EYA2: variants seen among roughly 807,000 people sequenced by gnomAD.
EYA2 encodes the protein protein phosphatase EYA2.
A neutral mutation model predicts 69.2 loss-of-function variants in EYA2; 31 were observed. The ratio of observed to expected loss-of-function variants is 0.45; its 90% CI spans 0.34 to 0.60. The LOEUF (loss-of-function observed/expected upper bound fraction) is 0.60. EYA2 is among the 20% of genes least tolerant of loss of function. EYA2 has a pLI of 0.02. For missense variants in EYA2, 622 were observed against 701.2 expected (o/e 0.89, Z 1.28); for synonymous variants, 257 against 279.4 (o/e 0.92, Z 0.80).
At chr20:47,118,723 T>A (rs563021214) in intron 9 of EYA2, among the ~76,000 whole-genome samples, 2 of 152,164 alleles carry the variant, frequency 1.3e-5, no homozygotes, top group Non-Finnish European at 2.9e-5. Flanking sequence ...CTCGGCCGCT[T>A]TGAGAGAGAC....
chr20:47,023,643 T>TTTTG (rs1555813801), intron 5 of EYA2, among the ~76,000 whole-genome samples: 41 of 140,656 alleles, frequency 2.9e-4, no homozygotes, highest in East Asian at 2.6e-3. Context: ...TTTTTTTTTT[T>TTTTG]TTTTTTTTTT....
chr20:46,939,557 A>G (rs886598593), intron 1 of EYA2, among the ~76,000 whole-genome samples: 3 of 152,188 alleles, frequency 2.0e-5, no homozygotes, highest in Non-Finnish European at 1.5e-5. Flanking sequence ...AATTTGAGCT[A>G]AAGTTCTTGT....
At chr20:47,012,215 T>C (rs1210927798) in intron 4 of EYA2, among the ~76,000 whole-genome samples, 2 of 152,202 alleles carry the variant, frequency 1.3e-5, no homozygotes, top group Admixed American at 1.3e-4. Context: ...TGGAAGCCAG[T>C]GGAACTTGCA....
intron 1 of EYA2, among the ~76,000 whole-genome samples, chr20:46,950,939 A>G (rs1051412451): frequency 5.9e-5 from 9 of 152,220 alleles, no homozygotes; most frequent in African/African-American, 1.7e-4. Context: ...TGAGCATCTA[A>G]GGCTACACCC....
chr20:47,084,074 T>C (rs6012111), intron 7 of EYA2, among the ~76,000 whole-genome samples: 135,427 of 151,744 alleles, frequency 0.89, 61,480 homozygotes, highest in Non-Finnish European at 0.98. Context: ...GGTGAAACCC[T>C]GTGTCTACTA....
rs1983416429 is a variant in EYA2, at chr20:47,016,410, C to G, written c.415+113C>G. The stretch of plus-strand genomic sequence containing the variant: ...TTGAGCACCTACTATGTGCCAGGCT[C>G]TATCTCGAGGAGTGGAGAAAATAGA... On this transcript the variant is annotated intron_variant, in intron 5 of 15. Transcript: ENST00000327619. 3 of 785,504 alleles carry G rather than the reference C, an allele frequency of 3.8e-6. No homozygotes were observed. The East Asian group carries it at 7.5e-5, about 20-fold the overall frequency. The allele number at this position is 785,504 out of a possible 1,614,324, so 48.7% of individuals were successfully genotyped here. A position where few individuals can be genotyped will look rare whatever the true frequency, so the allele number is the denominator to read the frequency against.
intron 1 of EYA2, among the ~76,000 whole-genome samples, chr20:46,925,312 G>A (rs1985367190): frequency 6.6e-6 from 1 of 152,142 alleles, no homozygotes; most frequent in Admixed American, 6.5e-5. Flanking sequence ...CAAGGGCTAG[G>A]AAAGAAAAGA....
At chr20:46,902,636 C>T (rs1259919973) in intron 1 of EYA2, among the ~76,000 whole-genome samples, 1 of 152,210 alleles carries the variant, frequency 6.6e-6, no homozygotes, top group East Asian at 1.9e-4. Flanking sequence ...TTTCCACTTG[C>T]ATTGCCTTAT....
At chr20:46,955,599 T>C (rs911158167) in intron 1 of EYA2, among the ~76,000 whole-genome samples, 7 of 152,270 alleles carry the variant, frequency 4.6e-5, no homozygotes, top group African/African-American at 1.7e-4. Flanking sequence ...TTGTTGGGTA[T>C]ATACCCTTGC....
In EYA2 at chr20:47,143,386, G is replaced by T. The variant is rs543010204; in HGVS notation, c.978+238G>T. On this transcript the variant is annotated intron_variant, in intron 10 of 15. Coordinates refer to ENST00000327619, the MANE Select transcript of EYA2 (RefSeq NM_005244.5). Reference sequence around the variant, plus strand: ...CCTAGCTTTCCTGTGCAGTTAACGGGCTCTTCTCTGTTCCAGTGGTAGTGT... The same window carrying T: ...CCTAGCTTTCCTGTGCAGTTAACGGTCTCTTCTCTGTTCCAGTGGTAGTGT... Among the ~76,000 whole-genome samples the T allele has an allele frequency of 4.6e-5, 7 of 152,222 alleles. No homozygotes were observed. The South Asian group carries it at 1.2e-3, about 27-fold the overall frequency.
chr20:47,046,767 G>A (rs2030061100), intron 5 of EYA2, among the ~76,000 whole-genome samples: 1 of 152,188 alleles, frequency 6.6e-6, no homozygotes. Context: ...TGTAAAATAT[G>A]ACTGTTAAGG....
rs116396481 is a variant in EYA2, at chr20:47,118,535, G to A, written c.888+21367G>A. ...GTGTTGGATGGGGGTGGTACCCTTT[G>A]TTGGCTTAATCCCTTATAATGATGC... is the stretch of plus-strand genomic sequence containing the variant. On this transcript the variant is annotated intron_variant, in intron 9 of 15. Coordinates refer to ENST00000327619, the MANE Select transcript of EYA2 (RefSeq NM_005244.5). Among the ~76,000 whole-genome samples the A allele has an allele frequency of 8.7e-3, 1,330 of 152,230 alleles. 20 individuals are homozygous for A. Among genetic ancestry groups the A allele is most frequent in the African/African-American group, 0.03 (1,259 of 41,514 alleles).
At chr20:47,135,828 A>C (rs2033451618) in intron 9 of EYA2, among the ~76,000 whole-genome samples, 2 of 87,000 alleles carry the variant, frequency 2.3e-5, no homozygotes, top group Admixed American at 2.3e-4. Context: ...CAAAAAAAAA[A>C]AAAAAAAAAA....
At chr20:46,951,742 G>A (rs1304617651) in intron 1 of EYA2, among the ~76,000 whole-genome samples, 1 of 152,192 alleles carries the variant, frequency 6.6e-6, no homozygotes, top group African/African-American at 2.4e-5. Flanking sequence ...TGACTAATCT[G>A]TGGCCCAGGC....
At chr20:47,052,888 G>T (rs765284334) in intron 5 of EYA2, among the ~76,000 whole-genome samples, 1 of 152,100 alleles carries the variant, frequency 6.6e-6, no homozygotes, top group Non-Finnish European at 1.5e-5. Flanking sequence ...CCTCCCAAAC[G>T]GGCTTCTATT....
intron 1 of EYA2, among the ~76,000 whole-genome samples, chr20:46,906,091 CTTA>C (rs1984340948): frequency 6.6e-6 from 1 of 152,076 alleles, no homozygotes; most frequent in South Asian, 2.1e-4. Context: ...CTGTCTCTAT[CTTA>C]TTATGCATTT....
intron 1 of EYA2, among the ~76,000 whole-genome samples, chr20:46,899,803 G>A (rs1984002475): frequency 6.6e-6 from 1 of 152,184 alleles, no homozygotes; most frequent in Non-Finnish European, 1.5e-5. Context: ...GACAAACTTT[G>A]GCAGGATCCA....
chr20:47,004,681 G>A (rs899415537), intron 3 of EYA2, among the ~76,000 whole-genome samples: 2 of 152,178 alleles, frequency 1.3e-5, no homozygotes, highest in African/African-American at 4.8e-5. Flanking sequence ...CCAGGCCTGC[G>A]AGTGGCTTAC....
rs1201324879 is a variant in EYA2, at chr20:47,135,818, C to CAAAAAAAAAA, written c.889-7227_889-7218dup. 8.8e-3 allele frequency among the ~76,000 whole-genome samples: 292 copies of CAAAAAAAAAA among 33,084 alleles called. 13 individuals are homozygous for CAAAAAAAAAA. The highest frequency in any genetic ancestry group is 0.013 in the Non-Finnish European group (238 of 18,018). The allele number at this position is 33,084 out of a possible 152,430, so 21.7% of individuals were successfully genotyped here. ...GCAACATAAGGAGACCCTGTCTCTA[C>CAAAAAAAAAA]AAAAAAAAAAAAAAAAAAAAAAACA... is the stretch of plus-strand genomic sequence containing the variant. On this transcript the variant is annotated intron_variant, in intron 9 of 15. Coordinates refer to ENST00000327619, the MANE Select transcript of EYA2 (RefSeq NM_005244.5).
Sources: allele counts gnomAD v4.1 joint callset (sites outside exome capture counted in the v4.1 genomes callset), GRCh38; gene constraint gnomAD v4.1.1; transcripts MANE v1.5; gene names NCBI Gene and HGNC (gene_info 2026-07-23, HGNC 2026-07-21).